Variants in ANKRD6 observed in about 807,000 individuals in gnomAD.
The protein encoded by ANKRD6 is ankyrin repeat domain-containing protein 6.
ANKRD6 carries 56 observed loss-of-function variants against 82.3 expected under a neutral mutation model. The observed-to-expected ratio is 0.68, with a 90% CI of 0.55 to 0.85. The LOEUF (loss-of-function observed/expected upper bound fraction) is 0.85, where lower values mean the gene tolerates loss of function less well. Ranked by LOEUF, ANKRD6 falls within the 40% of genes least tolerant of loss-of-function variation. The pLI is 0.00. For synonymous variants in ANKRD6, 347 were observed against 352.1 expected, an observed-to-expected ratio of 0.99 and a Z score of 0.16; for missense variants, 852 against 907.6, an observed-to-expected ratio of 0.94 and a Z score of 0.79.
Position 89,433,687 on chromosome 6 carries a change from C to T in ANKRD6, c.-144+312C>T, listed in dbSNP as rs1179848871. ...GGGGCTCGTCCCTCGTTCTCCTGCT[C>T]GCTTGCAGTTTGAAGGAAGGGCGGT... is the stretch of plus-strand genomic sequence containing the variant. On this transcript the variant is annotated intron_variant, in intron 1 of 15. Transcript: ENST00000339746. The surrounding 1 kb of genome is among the most constrained non-coding windows in gnomAD (Gnocchi z 4.3). Among the ~76,000 whole-genome samples, 3 of 152,126 alleles carry T rather than the reference C, an allele frequency of 2.0e-5. No individual in the cohort carries two copies. In the East Asian group the frequency reaches 5.8e-4, roughly 30 times the overall value.
rs930583118 is a variant in ANKRD6, at chr6:89,452,815, G to A, written c.-144+19440G>A. Among the ~76,000 whole-genome samples, 9 of 152,212 alleles carry A rather than the reference G, an allele frequency of 5.9e-5. No individual in the cohort carries two copies. The South Asian group carries it at 6.2e-4, about 11-fold the overall frequency. On this transcript the variant is annotated intron_variant, in intron 1 of 15. Transcript: ENST00000339746. ...AAAGACTGGCAGGTTTTAAAGAGAG[G>A]AGTGTAAACCTGGCGGCCAGGAAGG... is the stretch of plus-strand genomic sequence containing the variant.
intron 6 of ANKRD6, among the ~76,000 whole-genome samples, chr6:89,612,814 C>T (rs1203658877): frequency 3.9e-5 from 6 of 152,324 alleles, no homozygotes; most frequent in South Asian, 4.1e-4. Flanking sequence ...ATGACTGAGG[C>T]GTCCTTGGGA....
chr6:89,486,079 A>T (rs1777333031), intron 1 of ANKRD6, among the ~76,000 whole-genome samples: 1 of 152,234 alleles, frequency 6.6e-6, no homozygotes. Flanking sequence ...AAATGGGGTC[A>T]TAATGTATGA....
intron 1 of ANKRD6, among the ~76,000 whole-genome samples, chr6:89,513,813 A>G (rs1283342946): frequency 2.6e-5 from 4 of 152,268 alleles, no homozygotes; most frequent in Non-Finnish European, 5.9e-5. Flanking sequence ...AAGAGAGAGC[A>G]AAGTGAAGAA....
rs1477758020 is a variant in ANKRD6, at chr6:89,562,043, A to G, written c.-143-4791A>G. Among the ~76,000 whole-genome samples the G allele has an allele frequency of 3.3e-5, 5 of 152,240 alleles. No homozygotes were observed. In the East Asian group the frequency reaches 9.7e-4, roughly 29 times the overall value. On this transcript the variant is annotated intron_variant, in intron 1 of 15. Coordinates refer to ENST00000339746, the MANE Select transcript of ANKRD6 (RefSeq NM_001242809.2). ...TCTGTCTTTAGAGACAGAGAGGAAA[A>G]TGTGGGGATATTGGCTCAAGTCAAA...
Position 89,624,696 on chromosome 6 carries a change from G to A in ANKRD6, c.1371+5G>A. On this transcript the variant is annotated splice_donor_5th_base_variant and intron_variant, in intron 13 of 15. Transcript: ENST00000339746. ...GAGAATAAGACCCAGCACCAAGTAT[G>A]TCATAAGGCCCAGCTTCCTAATTGC... The A allele has an allele frequency of 1.2e-6, 2 of 1,603,672 alleles. No homozygotes were observed. The highest frequency in any genetic ancestry group is 1.7e-6 in the Non-Finnish European group (2 of 1,175,054).
intron 1 of ANKRD6, among the ~76,000 whole-genome samples, chr6:89,435,617 T>C (rs767602477): frequency 6.6e-6 from 1 of 152,214 alleles, no homozygotes; most frequent in Non-Finnish European, 1.5e-5. Context: ...AAGTTTCTCC[T>C]GTCTCCCTGG....
At chr6:89,478,849 A>T (rs1776418664) in intron 1 of ANKRD6, among the ~76,000 whole-genome samples, 1 of 151,944 alleles carries the variant, frequency 6.6e-6, no homozygotes, top group South Asian at 2.1e-4. Flanking sequence ...AGGTGAAGAG[A>T]CATAGAGAAG....
At position 89,566,700 on chromosome 6, in the gene ANKRD6, T is replaced by C; in HGVS notation, c.-143-134T>C. On this transcript the variant is annotated intron_variant, in intron 1 of 15. Coordinates refer to ENST00000339746, the MANE Select transcript of ANKRD6 (RefSeq NM_001242809.2). Reference sequence around the variant, plus strand: ...GCTTTGCTGTGGAGTGTGCTTCCTGTGTGTCCTGCCTCCCACAGCTACCCT... The same window carrying C: ...GCTTTGCTGTGGAGTGTGCTTCCTGCGTGTCCTGCCTCCCACAGCTACCCT... 8.3e-6 allele frequency: 3 copies of C among 359,430 alleles called. 1 individual carries two copies. In the South Asian group the frequency reaches 9.7e-5, roughly 12 times the overall value. 22.3% of individuals were successfully genotyped at this position (359,430 alleles called of 1,614,324 possible). A position where few individuals can be genotyped will look rare whatever the true frequency, so the allele number is the denominator to read the frequency against.
chr6:89,549,980 T>C (rs1785620966), intron 1 of ANKRD6, among the ~76,000 whole-genome samples: 1 of 151,768 alleles, frequency 6.6e-6, no homozygotes, highest in African/African-American at 2.4e-5. Context: ...ACTGTAGACC[T>C]AGCTACTCAG....
At chr6:89,594,260 C>G (rs1795433358) in intron 2 of ANKRD6, among the ~76,000 whole-genome samples, 1 of 152,082 alleles carries the variant, frequency 6.6e-6, no homozygotes, top group South Asian at 2.1e-4. Flanking sequence ...CAAGACCAGC[C>G]TAAGCAACAT....
At chr6:89,498,454 G>A (rs982188288) in intron 1 of ANKRD6, among the ~76,000 whole-genome samples, 9 of 152,034 alleles carry the variant, frequency 5.9e-5, no homozygotes, top group East Asian at 1.9e-4. Context: ...TGCTAGGTCT[G>A]TAATATATAA....
At chr6:89,623,595 C>T (rs1365464541) in intron 11 of ANKRD6, 51 bp downstream of exon 11, 58 of 1,552,216 alleles carry the variant, frequency 3.7e-5, no homozygotes, top group Non-Finnish European at 4.6e-5. Flanking sequence ...GGCAGGGTGG[C>T]GAGGGTCCTG....
intron 9 of ANKRD6, among the ~76,000 whole-genome samples, chr6:89,620,859 A>T (rs1302095821): frequency 2.0e-5 from 3 of 152,078 alleles, no homozygotes; most frequent in African/African-American, 4.8e-5. Flanking sequence ...AGGTCAGGAG[A>T]TCAAAACCAT....
chr6:89,580,472 C>A lies in ANKRD6; in HGVS notation c.120+13376C>A, dbSNP rs578228033. Among the ~76,000 whole-genome samples the A allele has an allele frequency of 1.4e-4, 22 of 152,212 alleles. No homozygotes were observed. The South Asian group carries it at 4.2e-3, about 29-fold the overall frequency. On this transcript the variant is annotated intron_variant, in intron 2 of 15. Transcript: ENST00000339746. ...GATGTTTTCAGAAATGAAGAGGATGCCTGGCTGGTAAATATTTTCCGGCAG... is the reference window on the plus strand; with the variant it reads ...GATGTTTTCAGAAATGAAGAGGATGACTGGCTGGTAAATATTTTCCGGCAG...
intron 13 of ANKRD6, among the ~76,000 whole-genome samples, chr6:89,625,234 G>T (rs889002303): frequency 6.6e-6 from 1 of 151,628 alleles, no homozygotes; most frequent in Non-Finnish European, 1.5e-5. Flanking sequence ...AGTGAGCAGA[G>T]ATCATTCCAG....
chr6:89,476,121 T>A (rs1775999756), intron 1 of ANKRD6, among the ~76,000 whole-genome samples: 1 of 152,224 alleles, frequency 6.6e-6, no homozygotes, highest in African/African-American at 2.4e-5. Flanking sequence ...ATCATCTACA[T>A]GTGAATATAT....
chr6:89,617,600 C>G (rs373484836), intron 8 of ANKRD6, among the ~76,000 whole-genome samples: 1 of 152,242 alleles, frequency 6.6e-6, no homozygotes, highest in South Asian at 2.1e-4. Context: ...AAACATTCCC[C>G]CTGGATGCTG....
At position 89,488,852 on chromosome 6, in the gene ANKRD6, C is replaced by A. The variant is rs192814049; in HGVS notation, c.-144+55477C>A. Among the ~76,000 whole-genome samples, 136 of 143,522 alleles carry A rather than the reference C, an allele frequency of 9.5e-4. 1 individual carries two copies. The Middle Eastern group carries it at 0.018, about 19-fold the overall frequency. The allele number at this position is 143,522 out of a possible 152,430, so 94.2% of individuals were successfully genotyped here. A position where few individuals can be genotyped will look rare whatever the true frequency, so the allele number is the denominator to read the frequency against. ...ACACAAATGAAACAAATGTTTCCCA[C>A]CCAAAATATATCGATCTATTCTATT... On this transcript the variant is annotated intron_variant, in intron 1 of 15. Coordinates refer to ENST00000339746, the MANE Select transcript of ANKRD6 (RefSeq NM_001242809.2).
Sources: gnomAD v4.1 joint callset for allele counts (sites outside exome capture counted in the v4.1 genomes callset) on GRCh38, gnomAD v4.1.1 for gene constraint, Gnocchi (gnomAD v3.1) non-coding constraint, MANE v1.5 for transcripts, NCBI Gene and HGNC (gene_info 2026-07-23, HGNC 2026-07-21) for gene names.